The following TGFBR1 variants were observed in gnomAD, a reference collection of about 807,000 sequenced individuals.
The protein encoded by TGFBR1 is transforming growth factor beta receptor 1, also known as TGF-beta receptor type-1.
In TGFBR1, 20 loss-of-function variants were observed where a neutral mutation model predicts 55.1. The observed-to-expected ratio is 0.36, with a 90% CI of 0.26 to 0.53. TGFBR1 has a LOEUF of 0.53. Among genes scored for constraint, TGFBR1 ranks in the 20% least tolerant of loss-of-function variants. The probability of loss-of-function intolerance (pLI) is 0.91; values close to 1 mark genes in which losing one functional copy is unlikely to be tolerated. For missense variants in TGFBR1, 385 were observed against 617.6 expected (o/e 0.62, Z 3.99); for synonymous variants, 220 against 214.8 (o/e 1.02, Z -0.21).
In TGFBR1 at chr9:99,122,176, C is replaced by T. The variant is rs145967730; in HGVS notation, c.98-6679C>T. Among the ~76,000 whole-genome samples the T allele has an allele frequency of 2.5e-4, 38 of 152,030 alleles. No homozygotes were observed. The East Asian group carries it at 7.1e-3, about 29-fold the overall frequency. ...ATAGAAGGCTGGAGAGGGCCAGTAACAAGGGTTGAAAAAGGAAAGAGTATT... is the reference window on the plus strand; with the variant it reads ...ATAGAAGGCTGGAGAGGGCCAGTAATAAGGGTTGAAAAAGGAAAGAGTATT... On this transcript the variant is annotated intron_variant, in intron 1 of 8. Transcript: ENST00000374994.
Position 99,129,006 on chromosome 9 carries a change from G to A in TGFBR1, c.249G>A (p.Pro83=), listed in dbSNP as rs200091200. ...TTGACTTAATTCCTCGAGATAGGCCGTTTGTATGTGCACCCTCTTCAAAAA... is the reference window on the plus strand; with the variant it reads ...TTGACTTAATTCCTCGAGATAGGCCATTTGTATGTGCACCCTCTTCAAAAA... The part of the protein sequence containing the change: ...AEIDLIPRDR[P]FVCAPSSKTG... Residue 83 remains proline, a synonymous_variant, in exon 2 of 9, where the codon CCG becomes CCA. Transcript: ENST00000374994. 20 of 1,613,970 alleles carry A rather than the reference G, an allele frequency of 1.2e-5. No individual in the cohort carries two copies. Among genetic ancestry groups the A allele is most frequent in the Middle Eastern group, 1.7e-4 (1 of 6,060 alleles).
intron 4 of TGFBR1, 113 bp from the exon 5 acceptor site, chr9:99,142,423 T>C: frequency 9.0e-7 from 1 of 1,105,072 alleles, no homozygotes; most frequent in South Asian, 1.3e-5. Context: ...AGACTTAAGG[T>C]GGCATTATAT....
rs1394341348 is a variant in TGFBR1 at position 99,149,281 on chromosome 9, T to G, written c.1488T>G (p.Ser496Arg). The change falls in exon 9 of 9, where the codon AGT (serine) becomes AGG (arginine). Residue 496 changes from serine (S) to arginine (R), a missense_variant. Ser to Arg is a moderately radical substitution (Grantham distance 110). Transcript: ENST00000374994. The stretch of plus-strand genomic sequence containing the variant: ...TTAAGAAAACATTATCGCAACTCAG[T>G]CAACAGGAAGGCATCAAAATGTAAT... Reference protein sequence around the residue: ...LRIKKTLSQLSQQEGIKM With the variant: ...LRIKKTLSQLRQQEGIKM 3.7e-6 allele frequency: 6 copies of G among 1,613,838 alleles called. No homozygotes were observed. Among genetic ancestry groups the G allele is most frequent in the Non-Finnish European group, 5.1e-6 (6 of 1,179,834 alleles).
chr9:99,147,915 T>A, intron 8 of TGFBR1, 131 bp downstream of exon 8: 1 of 1,090,872 alleles, frequency 9.2e-7, no homozygotes, highest in Non-Finnish European at 1.3e-6. Flanking sequence ...AACCAATGTT[T>A]AAAAACAGAA....
At chr9:99,116,846 A>G (rs1826758238) in intron 1 of TGFBR1, among the ~76,000 whole-genome samples, 1 of 152,216 alleles carries the variant, frequency 6.6e-6, no homozygotes. Flanking sequence ...GTTTAGTCTC[A>G]AAGGGCAAAT....
chr9:99,119,229 A>G (rs1047528553), intron 1 of TGFBR1, among the ~76,000 whole-genome samples: 2 of 152,172 alleles, frequency 1.3e-5, no homozygotes, highest in Non-Finnish European at 2.9e-5. Flanking sequence ...CTCTGCCCCG[A>G]GTCAATGGCA....
At chr9:99,112,349 A>G (rs1826612197) in intron 1 of TGFBR1, among the ~76,000 whole-genome samples, 1 of 152,106 alleles carries the variant, frequency 6.6e-6, no homozygotes, top group Non-Finnish European at 1.5e-5. Context: ...CACCTCCTGC[A>G]AGTCTTTGCT....
intron 1 of TGFBR1, among the ~76,000 whole-genome samples, chr9:99,109,018 A>G (rs1279281424): frequency 6.6e-6 from 1 of 152,170 alleles, no homozygotes; most frequent in Non-Finnish European, 1.5e-5. Flanking sequence ...CTGATTCCAT[A>G]TCTTGTGCCC....
At chr9:99,132,231 C>T (rs973756522) in intron 2 of TGFBR1, among the ~76,000 whole-genome samples, 1 of 151,932 alleles carries the variant, frequency 6.6e-6, no homozygotes, top group African/African-American at 2.4e-5. Flanking sequence ...TGGGGAAGGT[C>T]CTATGATATT....
chr9:99,125,240 A>G (rs942439398), intron 1 of TGFBR1, among the ~76,000 whole-genome samples: 3 of 152,200 alleles, frequency 2.0e-5, no homozygotes, highest in African/African-American at 7.2e-5. Flanking sequence ...AGGATGAGAC[A>G]TCATACCTAA....
intron 1 of TGFBR1, among the ~76,000 whole-genome samples, chr9:99,115,608 G>A (rs754575899): frequency 6.6e-6 from 1 of 152,020 alleles, no homozygotes; most frequent in Non-Finnish European, 1.5e-5. Context: ...TATATGTATG[G>A]GTTTTTTATT....
chr9:99,112,923 TTCTCTC>T (rs3034200), intron 1 of TGFBR1, among the ~76,000 whole-genome samples: 133 of 150,746 alleles, frequency 8.8e-4, no homozygotes, highest in African/African-American at 3.0e-3. Flanking sequence ...TCACCTCATA[TTCTCTC>T]TCTCTCTCTC....
At chr9:99,117,190 T>C (rs1050127936) in intron 1 of TGFBR1, among the ~76,000 whole-genome samples, 3 of 151,904 alleles carry the variant, frequency 2.0e-5, no homozygotes, top group African/African-American at 7.3e-5. Flanking sequence ...TGGGTTCAAG[T>C]GATTCTCCTG....
chr9:99,129,839 C>T (rs769118336), intron 2 of TGFBR1, among the ~76,000 whole-genome samples: 4 of 152,022 alleles, frequency 2.6e-5, no homozygotes, highest in Admixed American at 6.6e-5. Flanking sequence ...GCAGAGGTTG[C>T]AGTGAGCCAA....
chr9:99,131,287 T>G (rs1827215952), intron 2 of TGFBR1, among the ~76,000 whole-genome samples: 1 of 152,034 alleles, frequency 6.6e-6, no homozygotes, highest in Non-Finnish European at 1.5e-5. Flanking sequence ...CACCTAAAAT[T>G]CTTGAAATAG....
chr9:99,129,070 C>T lies in TGFBR1; in HGVS notation c.313C>T (p.His105Tyr). 6.2e-7 allele frequency: 1 copy of T among 1,613,880 alleles called. No individual in the cohort carries two copies. The highest frequency in any genetic ancestry group is 1.1e-5 in the South Asian group (1 of 91,072). ...TACAACATATTGCTGCAATCAGGAC[C>T]ATTGCAATAAAATAGAACTTCCAAC... is the stretch of plus-strand genomic sequence containing the variant. ...VTTTYCCNQD[H>Y]CNKIELPTTV... The change falls in exon 2 of 9, where the codon CAT becomes TAT. Residue 105 changes from histidine to tyrosine, a missense_variant. Coordinates refer to ENST00000374994, the MANE Select transcript of TGFBR1 (RefSeq NM_004612.4).
At chr9:99,106,051 G>A (rs1826405583) in intron 1 of TGFBR1, among the ~76,000 whole-genome samples, 1 of 152,364 alleles carries the variant, frequency 6.6e-6, no homozygotes, top group East Asian at 1.9e-4. Context: ...GTAACCAGAC[G>A]GCTACGGATT....
At chr9:99,113,572 A>T (rs1405715268) in intron 1 of TGFBR1, among the ~76,000 whole-genome samples, 1 of 152,196 alleles carries the variant, frequency 6.6e-6, no homozygotes, top group Non-Finnish European at 1.5e-5. Context: ...TAATCAGTGT[A>T]TCTGTGACTC....
At position 99,132,573 on chromosome 9, in the gene TGFBR1, C is replaced by A; in HGVS notation, c.408C>A (p.Phe136Leu). 6.2e-7 allele frequency: 1 copy of A among 1,614,164 alleles called. No individual in the cohort carries two copies. Among genetic ancestry groups the A allele is most frequent in the Non-Finnish European group, 8.5e-7 (1 of 1,180,024 alleles). The change falls in exon 3 of 9, where the codon TTC becomes TTA. Residue 136 changes from phenylalanine to leucine, a missense_variant. By Grantham distance (22) the Phe-to-Leu change is conservative. Transcript: ENST00000374994. ...CTGTCATTGCTGGACCAGTGTGCTT[C>A]GTCTGCATCTCACTCATGTTGATGG... ...LAAVIAGPVC[F>L]VCISLMLMVY...
Sources: allele counts gnomAD v4.1 joint callset (sites outside exome capture counted in the v4.1 genomes callset), GRCh38; gene constraint gnomAD v4.1.1; transcripts MANE v1.5; gene names NCBI Gene and HGNC (gene_info 2026-07-23, HGNC 2026-07-21).